Variants in SGSM3 observed in about 807,000 individuals in gnomAD.
The protein encoded by SGSM3 is small G protein signaling modulator 3, also known as RUN and SH3 containing 3.
A neutral mutation model predicts 100.5 loss-of-function variants in SGSM3; 96 were observed. The observed-to-expected ratio is 0.96, with a 90% CI of 0.81 to 1.13. SGSM3 has a LOEUF of 1.13. Ranked by LOEUF, SGSM3 falls within the 50% of genes most tolerant of loss-of-function variation. The pLI is 0.00. For synonymous variants in SGSM3, 483 were observed against 422.8 expected, an observed-to-expected ratio of 1.14 and a Z score of -1.75; for missense variants, 1,001 against 1,015.8, an observed-to-expected ratio of 0.99 and a Z score of 0.20.
Position 40,410,156 on chromosome 22 carries a change from G to GTCCAAGGTTCTGCCCTTCCTTGAGTGGTC in SGSM3, c.*399_*427dup. ...GCTAGGGCTGCAGAGCTGTATTCAGGTCCAAGGTTCTGCCCTTCCTTGAGT... is the reference window on the plus strand; with the variant it reads ...GCTAGGGCTGCAGAGCTGTATTCAGGTCCAAGGTTCTGCCCTTCCTTGAGTGGTCTCCAAGGTTCTGCCCTTCCTTGAGT... On this transcript the variant is annotated 3_prime_UTR_variant, in exon 22 of 22. Coordinates refer to ENST00000248929, the MANE Select transcript of SGSM3 (RefSeq NM_015705.6). 1 of 1,100,206 alleles carries GTCCAAGGTTCTGCCCTTCCTTGAGTGGTC rather than the reference G, an allele frequency of 9.1e-7. No homozygotes were observed. The highest frequency in any genetic ancestry group is 1.1e-6 in the Non-Finnish European group (1 of 903,944). The allele number at this position is 1,100,206 out of a possible 1,614,324, so 68.2% of individuals were successfully genotyped here.
At chr22:40,379,151 T>C (rs2047143450) in intron 1 of SGSM3, among the ~76,000 whole-genome samples, 1 of 152,230 alleles carries the variant, frequency 6.6e-6, no homozygotes, top group Non-Finnish European at 1.5e-5. Context: ...CTTTCCCCTC[T>C]AGAATGCTGG....
intron 1 of SGSM3, among the ~76,000 whole-genome samples, chr22:40,380,250 T>C (rs2047337996): frequency 6.6e-6 from 1 of 152,208 alleles, no homozygotes; most frequent in South Asian, 2.1e-4. Context: ...TGTGATTAAG[T>C]AATTACACTT....
At chr22:40,400,642 T>TA (rs369981432) in intron 1 of SGSM3, 54 bp from the exon 2 acceptor site, 726 of 680,132 alleles carry the variant, frequency 1.1e-3, no homozygotes, top group East Asian at 1.4e-3. Flanking sequence ...AGACTCTGTC[T>TA]AAAAAAAAAT....
At position 40,409,763 on chromosome 22, in the gene SGSM3, C is replaced by T. The variant is rs1338229888; in HGVS notation, c.*4C>T. 1.9e-6 allele frequency: 3 copies of T among 1,605,582 alleles called. No individual in the cohort carries two copies. The highest frequency in any genetic ancestry group is 1.3e-5 in the African/African-American group (1 of 75,006). ...CAGCTGGGATGTGGACGGGTGACCC[C>T]CTCCTCCCCAGCCCAACCTCGGGCC... is the stretch of plus-strand genomic sequence containing the variant. On this transcript the variant is annotated 3_prime_UTR_variant, in exon 22 of 22. Coordinates refer to ENST00000248929, the MANE Select transcript of SGSM3 (RefSeq NM_015705.6).
At chr22:40,372,119 C>A (rs376278455) in intron 1 of SGSM3, among the ~76,000 whole-genome samples, 16 of 120,630 alleles carry the variant, frequency 1.3e-4, no homozygotes, top group African/African-American at 3.6e-4. Flanking sequence ...CTGTCCCCCC[C>A]CCCTTTTTTT....
At chr22:40,373,003 C>G (rs1037759259) in intron 1 of SGSM3, 1 of 152,168 alleles carries the variant, frequency 6.6e-6, no homozygotes, top group African/African-American at 2.4e-5. Context: ...AAAAAAAGAT[C>G]CTGTTTCTTT....
chr22:40,373,509 C>A (rs557265208), intron 1 of SGSM3: 1 of 152,166 alleles, frequency 6.6e-6, no homozygotes, highest in African/African-American at 2.4e-5. Context: ...CTTATAAAGA[C>A]GGCTAAGACA....
rs997733252 is a variant in SGSM3, at chr22:40,409,981, T to A, written c.*222T>A. Reference sequence around the variant, plus strand: ...GGATGCTCTAGGCCAAACCACAGTTTGTACCAAAAACCTTGTGAGGAGGTG... The same window carrying A: ...GGATGCTCTAGGCCAAACCACAGTTAGTACCAAAAACCTTGTGAGGAGGTG... On this transcript the variant is annotated 3_prime_UTR_variant, in exon 22 of 22. Transcript: ENST00000248929. The A allele has an allele frequency of 2.2e-6, 3 of 1,344,210 alleles. No homozygotes were observed. The highest frequency in any genetic ancestry group is 2.8e-6 in the Non-Finnish European group (3 of 1,054,440). 83.3% of individuals were successfully genotyped at this position (1,344,210 alleles called of 1,614,324 possible). A position where few individuals can be genotyped will look rare whatever the true frequency, so the allele number is the denominator to read the frequency against.
At chr22:40,404,894 G>C (rs570010640) in intron 6 of SGSM3, among the ~76,000 whole-genome samples, 1 of 152,210 alleles carries the variant, frequency 6.6e-6, no homozygotes, top group Non-Finnish European at 1.5e-5. Context: ...AGGAACAGAT[G>C]GGGACTCTAA....
Position 40,404,350 on chromosome 22 carries a change from C to A in SGSM3, c.261C>A (p.His87Gln). The A allele has an allele frequency of 6.2e-7, 1 of 1,603,988 alleles. No homozygotes were observed. The highest frequency in any genetic ancestry group is 8.5e-7 in the Non-Finnish European group (1 of 1,174,336). The change falls in exon 5 of 22, where the codon CAC (histidine) becomes CAA (glutamine). Residue 87 changes from histidine (H) to glutamine (Q), a missense_variant. Coordinates refer to ENST00000248929, the MANE Select transcript of SGSM3 (RefSeq NM_015705.6). ...WQAHLEFTHN[H>Q]DVGDLTWDKI... Reference sequence around the variant, plus strand: ...CCCACCTGGAGTTCACCCATAACCACGATGTGGGGGATCTCACCTGGGACA... The same window carrying A: ...CCCACCTGGAGTTCACCCATAACCAAGATGTGGGGGATCTCACCTGGGACA...
At chr22:40,403,910 T>C (rs1602054783) in intron 4 of SGSM3, among the ~76,000 whole-genome samples, 1 of 152,296 alleles carries the variant, frequency 6.6e-6, no homozygotes, top group African/African-American at 2.4e-5. Context: ...GGTTTGCTGA[T>C]GGACTGAGTG....
intron 1 of SGSM3, among the ~76,000 whole-genome samples, chr22:40,376,671 G>C (rs184799359): frequency 6.6e-6 from 1 of 152,114 alleles, no homozygotes; most frequent in East Asian, 1.9e-4. Flanking sequence ...CCCATTTACA[G>C]GTGAGACAAC....
In SGSM3 at chr22:40,407,989, C is replaced by A; in HGVS notation, c.1580-82C>A. 1.3e-6 allele frequency: 2 copies of A among 1,511,112 alleles called. No homozygotes were observed. The highest frequency in any genetic ancestry group is 1.8e-6 in the Non-Finnish European group (2 of 1,103,318). The allele number at this position is 1,511,112 out of a possible 1,614,324, so 93.6% of individuals were successfully genotyped here. The stretch of plus-strand genomic sequence containing the variant: ...CTGAAGCAGCTGAGCCGGCTTCCCA[C>A]TGCCTCAGCCTGCCTGCAGGCTGTG... On this transcript the variant is annotated intron_variant, in intron 14 of 21. Coordinates refer to ENST00000248929, the MANE Select transcript of SGSM3 (RefSeq NM_015705.6). This position sits in a 1 kb window ranked among gnomAD's most constrained non-coding sequence, Gnocchi z 4.7.
In SGSM3 at chr22:40,400,588, A is replaced by G. The variant is rs187801188; in HGVS notation, c.-111-108A>G. On this transcript the variant is annotated intron_variant, in intron 1 of 21. Coordinates refer to ENST00000248929, the MANE Select transcript of SGSM3 (RefSeq NM_015705.6). Reference sequence around the variant, plus strand: ...AACCCAGGAGGCAGAGGTTGCAGTGAGCTGAGATTGCACCACTGCACTCCA... The same window carrying G: ...AACCCAGGAGGCAGAGGTTGCAGTGGGCTGAGATTGCACCACTGCACTCCA... 1.2e-4 allele frequency: 53 copies of G among 436,478 alleles called. No individual in the cohort carries two copies. In the Admixed American group the frequency reaches 2.0e-3, roughly 16 times the overall value. The allele number at this position is 436,478 out of a possible 1,614,324, so 27.0% of individuals were successfully genotyped here. A position where few individuals can be genotyped will look rare whatever the true frequency, so the allele number is the denominator to read the frequency against.
At chr22:40,390,589 G>A (rs1437156183) in intron 1 of SGSM3, 1 of 152,196 alleles carries the variant, frequency 6.6e-6, no homozygotes, top group East Asian at 1.9e-4. Context: ...GGGAATTGCT[G>A]GGCCAAAGAA....
chr22:40,387,257 G>C (rs1156741484), intron 1 of SGSM3: 1 of 398,310 alleles, frequency 2.5e-6, no homozygotes, highest in Non-Finnish European at 4.4e-6. Context: ...CTGCCACAGA[G>C]TATAATAGCA....
intron 1 of SGSM3, among the ~76,000 whole-genome samples, chr22:40,391,444 CA>C (rs954373367): frequency 6.6e-6 from 1 of 151,996 alleles, no homozygotes; most frequent in Admixed American, 6.6e-5. Flanking sequence ...CCGGTCTCTA[CA>C]AAAAAATAAA....
At chr22:40,406,387 C>T (rs761740121) in intron 9 of SGSM3, 51 bp from the exon 10 acceptor site, 68 of 1,502,914 alleles carry the variant, frequency 4.5e-5, no homozygotes, top group South Asian at 1.0e-4. Flanking sequence ...CTCAGTGCCA[C>T]GTCCCTGCAA....
At chr22:40,406,985 A>G in intron 10 of SGSM3, 32 bp from the exon 11 acceptor site, 1 of 1,555,008 alleles carries the variant, frequency 6.4e-7, no homozygotes. Context: ...TCCCGGGGCC[A>G]GGACCACCCT....
Sources: gnomAD v4.1 joint callset for allele counts (sites outside exome capture counted in the v4.1 genomes callset) on GRCh38, gnomAD v4.1.1 for gene constraint, Gnocchi (gnomAD v3.1) non-coding constraint, MANE v1.5 for transcripts, NCBI Gene and HGNC (gene_info 2026-07-23, HGNC 2026-07-21) for gene names.